The following IQCM variants were observed in gnomAD, a reference collection of about 807,000 sequenced individuals.
The protein encoded by IQCM is IQ motif containing M, also known as IQ domain-containing protein M.
In IQCM, 45 loss-of-function variants were observed where a neutral mutation model predicts 57.6. That is an observed-to-expected ratio of 0.78 (90% confidence interval 0.62 to 1.00). The LOEUF is 1.00. Ranked by LOEUF, IQCM falls within the 50% of genes least tolerant of loss-of-function variation. IQCM has a pLI of 0.00. For missense variants in IQCM, 468 were observed against 511.6 expected (o/e 0.91, Z 0.82); for synonymous variants, 148 against 158.9 (o/e 0.93, Z 0.51).
intron 12 of IQCM, among the ~76,000 whole-genome samples, chr4:149,461,287 C>CTAAAGAGTCACAAGGAATGCTATTGT (rs1411413264): frequency 6.7e-6 from 1 of 149,798 alleles, no homozygotes; most frequent in Non-Finnish European, 1.5e-5. Flanking sequence ...CTCCAAACAG[C>CTAAAGAGTCACAAGGAATGCTATTGT]TAAAGAGTCA....
At chr4:149,478,204 C>T (rs549474526) in intron 12 of IQCM, among the ~76,000 whole-genome samples, 16 of 152,134 alleles carry the variant, frequency 1.1e-4, no homozygotes, top group Non-Finnish European at 1.5e-4. Flanking sequence ...CAAACCAGGC[C>T]GGTGTGACTT....
intron 12 of IQCM, among the ~76,000 whole-genome samples, chr4:149,481,895 A>G (rs1028761172): frequency 7.3e-6 from 1 of 136,946 alleles, no homozygotes; most frequent in Non-Finnish European, 1.6e-5. Flanking sequence ...GATTCTTTCA[A>G]TGCATTAACA....
chr4:149,520,769 C>G (rs946144507), intron 12 of IQCM, among the ~76,000 whole-genome samples: 1 of 152,140 alleles, frequency 6.6e-6, no homozygotes, highest in Non-Finnish European at 1.5e-5. Context: ...CCCTCAAAGT[C>G]TTTCCCAGTT....
At chr4:149,628,044 T>C (rs1288453924) in intron 7 of IQCM, among the ~76,000 whole-genome samples, 1 of 152,220 alleles carries the variant, frequency 6.6e-6, no homozygotes, top group South Asian at 2.1e-4. Context: ...CTTGACTTAA[T>C]TCAGTGAAAT....
chr4:149,548,334 T>C, intron 12 of IQCM, 121 bp downstream of exon 12: 1 of 804,422 alleles, frequency 1.2e-6, no homozygotes. Context: ...ACACAAAAAG[T>C]TTAGTAAAAG....
chr4:149,617,349 C>T (rs981199331), intron 8 of IQCM, among the ~76,000 whole-genome samples: 9 of 152,064 alleles, frequency 5.9e-5, no homozygotes, highest in Non-Finnish European at 7.4e-5. Flanking sequence ...AAAAAATAAA[C>T]GAAAGGGGAA....
At chr4:149,529,497 T>A (rs1746518611) in intron 12 of IQCM, among the ~76,000 whole-genome samples, 1 of 152,224 alleles carries the variant, frequency 6.6e-6, no homozygotes, top group Non-Finnish European at 1.5e-5. Context: ...CATTTCAGGC[T>A]TTCATTGGCA....
At chr4:149,639,452 A>AAGAAGG (rs1324113671) in intron 7 of IQCM, among the ~76,000 whole-genome samples, 2 of 151,544 alleles carry the variant, frequency 1.3e-5, no homozygotes, top group Non-Finnish European at 2.9e-5. Flanking sequence ...GAAGAAGAAG[A>AAGAAGG]AGAAGGAGAA....
At chr4:149,643,078 A>G (rs1758339739) in intron 7 of IQCM, among the ~76,000 whole-genome samples, 1 of 152,132 alleles carries the variant, frequency 6.6e-6, no homozygotes, top group South Asian at 2.1e-4. Context: ...CCGCAGTTAC[A>G]TTCAACCAAA....
chr4:149,607,609 G>A (rs937438973), intron 8 of IQCM, among the ~76,000 whole-genome samples: 2 of 151,958 alleles, frequency 1.3e-5, no homozygotes, highest in East Asian at 1.9e-4. Context: ...AAGATAAATA[G>A]AGATAACAAA....
At chr4:149,501,351 T>C in intron 12 of IQCM, among the ~76,000 whole-genome samples, 1 of 152,176 alleles carries the variant, frequency 6.6e-6, no homozygotes, top group Non-Finnish European at 1.5e-5. Flanking sequence ...CTTGAGGGCC[T>C]GAAATATAAC....
At chr4:149,624,579 A>G (rs973091472) in intron 7 of IQCM, among the ~76,000 whole-genome samples, 5 of 152,306 alleles carry the variant, frequency 3.3e-5, no homozygotes, top group African/African-American at 1.2e-4. Flanking sequence ...AATGTCAGGG[A>G]ATGAGAAACA....
At chr4:149,447,739 T>C (rs1315657619) in intron 12 of IQCM, among the ~76,000 whole-genome samples, 1 of 151,512 alleles carries the variant, frequency 6.6e-6, no homozygotes, top group Non-Finnish European at 1.5e-5. Flanking sequence ...TAATGACCAA[T>C]TTTCCAAATT....
At chr4:149,496,350 A>C (rs1742658853) in intron 12 of IQCM, among the ~76,000 whole-genome samples, 1 of 152,182 alleles carries the variant, frequency 6.6e-6, no homozygotes, top group Non-Finnish European at 1.5e-5. Context: ...CTGTGAACAC[A>C]TTACCTTACA....
chr4:149,576,773 G>A (rs1751700949), intron 9 of IQCM, among the ~76,000 whole-genome samples: 1 of 151,810 alleles, frequency 6.6e-6, no homozygotes, highest in Non-Finnish European at 1.5e-5. Context: ...TAATGGGATT[G>A]CTACATTGAA....
chr4:149,707,633 C>T (rs1764255951), intron 5 of IQCM, among the ~76,000 whole-genome samples: 2 of 151,978 alleles, frequency 1.3e-5, no homozygotes, highest in South Asian at 4.1e-4. Context: ...ATGTATGCAG[C>T]ATCTACCTGA....
At chr4:149,434,685 G>A (rs749440531) in intron 12 of IQCM, among the ~76,000 whole-genome samples, 28 of 151,988 alleles carry the variant, frequency 1.8e-4, no homozygotes, top group Non-Finnish European at 2.9e-4. Context: ...TGTCCTGCTT[G>A]TGAGGCTAGA....
At chr4:149,677,567 T>A (rs901807443) in intron 7 of IQCM, among the ~76,000 whole-genome samples, 1 of 151,836 alleles carries the variant, frequency 6.6e-6, no homozygotes, top group Non-Finnish European at 1.5e-5. Flanking sequence ...AAGACAACAA[T>A]AAATAAAATA....
intron 12 of IQCM, among the ~76,000 whole-genome samples, chr4:149,485,784 C>T (rs911441465): frequency 6.6e-6 from 1 of 152,036 alleles, no homozygotes; most frequent in Non-Finnish European, 1.5e-5. Flanking sequence ...TCTTCAGTGT[C>T]TGGGCATTGA....
Sources: gnomAD v4.1 joint callset for allele counts (sites outside exome capture counted in the v4.1 genomes callset) on GRCh38, gnomAD v4.1.1 for gene constraint, MANE v1.5 for transcripts, NCBI Gene and HGNC (gene_info 2026-07-23, HGNC 2026-07-21) for gene names.